CEP250: variants seen among roughly 807,000 people sequenced by gnomAD.
CEP250 encodes the protein centrosomal protein 250, also known as centrosome-associated protein CEP250.
A neutral mutation model predicts 315.7 loss-of-function variants in CEP250; 242 were observed. That is an observed-to-expected ratio of 0.77 (90% CI 0.69 to 0.85). The LOEUF (loss-of-function observed/expected upper bound fraction) is 0.85. CEP250 is among the 40% of genes least tolerant of loss of function. The pLI is 0.00. For missense variants in CEP250, 2,515 were observed against 2,886.4 expected (o/e 0.87, Z 2.95); for synonymous variants, 1,088 against 1,175.0 (o/e 0.93, Z 1.51).
intron 29 of CEP250, 152 bp downstream of exon 29, chr20:35,502,118 A>G (rs1049158220): frequency 1.1e-5 from 11 of 989,164 alleles, no homozygotes; most frequent in East Asian, 1.0e-4. Context: ...TCAGGTTCCA[A>G]TGAATCCTCC....
At position 35,503,298 on chromosome 20, in the gene CEP250, G is replaced by A. The variant is rs1263243279; in HGVS notation, c.4929G>A (p.Gln1643=). Reference sequence around the variant, plus strand: ...AGCGAGAACAGATCGAGGAGCTGCAGAGGCAGAAAGAGCATCTGACTCAGG... The same window carrying A: ...AGCGAGAACAGATCGAGGAGCTGCAAAGGCAGAAAGAGCATCTGACTCAGG... ...KSQREQIEEL[Q]RQKEHLTQDL... The change falls in exon 30 of 35, where the codon CAG becomes CAA. Residue 1643 remains glutamine (Q), a synonymous_variant. Transcript: ENST00000397527. This position sits in a 1 kb window ranked among gnomAD's most constrained non-coding sequence, Gnocchi z 4.2. 11 of 1,614,084 alleles carry A rather than the reference G, an allele frequency of 6.8e-6. No individual in the cohort carries two copies. In the East Asian group the frequency reaches 2.5e-4, roughly 36 times the overall value.
intron 21 of CEP250, 152 bp downstream of exon 21, chr20:35,490,956 C>T (rs1568806973): frequency 3.4e-6 from 3 of 885,422 alleles, no homozygotes; most frequent in South Asian, 3.4e-5. Flanking sequence ...GGGTGGTCCG[C>T]ACCATTAGCC....
At chr20:35,470,970 C>T (rs923550036) in intron 10 of CEP250, among the ~76,000 whole-genome samples, 2 of 152,172 alleles carry the variant, frequency 1.3e-5, no homozygotes, top group African/African-American at 4.8e-5. Flanking sequence ...TTAGAACCCT[C>T]TGGCTTAATA....
In CEP250 at chr20:35,500,184, A is replaced by G; in HGVS notation, c.3898+15A>G. ...GAATCAGGAAGGTGAGAAGCTCAAG[A>G]CAGGCAGGGAGATTGAGAGGGAGAA... On this transcript the variant is annotated intron_variant, in intron 28 of 34. Coordinates refer to ENST00000397527, the MANE Select transcript of CEP250 (RefSeq NM_007186.6). 2 of 1,613,076 alleles carry G rather than the reference A, an allele frequency of 1.2e-6. No homozygotes were observed. The highest frequency in any genetic ancestry group is 1.7e-6 in the Non-Finnish European group (2 of 1,179,934).
rs2063171147 is a variant in CEP250, at chr20:35,476,281, C to G, written c.1717-168C>G. The G allele has an allele frequency of 5.1e-6, 3 of 592,904 alleles. No homozygotes were observed. In the Admixed American group the frequency reaches 8.7e-5, roughly 17 times the overall value. The allele number at this position is 592,904 out of a possible 1,614,324, so 36.7% of individuals were successfully genotyped here. A position where few individuals can be genotyped will look rare whatever the true frequency, so the allele number is the denominator to read the frequency against. ...GTATCTCTATACTGTGAGGTCCTGT[C>G]TCACTCCTTAATGAATGAATGAAGG... On this transcript the variant is annotated intron_variant, in intron 15 of 34. Transcript: ENST00000397527.
rs182023369 is a variant in CEP250 at position 35,457,098 on chromosome 20, A to G, written c.-297-1206A>G. ...CACCCAGCCTGTTTTTTTGCTTTTT[A>G]TATAGGTAATAGAGCTGTTAGCATT... On this transcript the variant is annotated intron_variant, in intron 1 of 34. Coordinates refer to ENST00000397527, the MANE Select transcript of CEP250 (RefSeq NM_007186.6). Among the ~76,000 whole-genome samples, 18 of 152,168 alleles carry G rather than the reference A, an allele frequency of 1.2e-4. No homozygotes were observed. The East Asian group carries it at 3.5e-3, about 29-fold the overall frequency.
chr20:35,495,169 A>T (rs767087335), intron 24 of CEP250, among the ~76,000 whole-genome samples: 1 of 152,208 alleles, frequency 6.6e-6, no homozygotes, highest in Non-Finnish European at 1.5e-5. Context: ...GGCAGATAAA[A>T]GTTTACAGTG....
In CEP250 at chr20:35,480,162, G is replaced by A; in HGVS notation, c.2586+17G>A. On this transcript the variant is annotated intron_variant, in intron 20 of 34. Transcript: ENST00000397527. ...GAGAAATGGGTAAGTGGTCAATGTG[G>A]CCGGGTATGGCCTCCCTTCCATGAG... 1 of 1,599,904 alleles carries A rather than the reference G, an allele frequency of 6.3e-7. No individual in the cohort carries two copies. The highest frequency in any genetic ancestry group is 8.5e-7 in the Non-Finnish European group (1 of 1,173,228).
intron 16 of CEP250, among the ~76,000 whole-genome samples, chr20:35,477,580 G>A (rs991472643): frequency 6.6e-6 from 1 of 152,260 alleles, no homozygotes; most frequent in Admixed American, 6.5e-5. Context: ...TTATAGCGAG[G>A]GAACCTCCTT....
intron 15 of CEP250, 91 bp from the exon 16 acceptor site, chr20:35,476,358 T>C: frequency 8.1e-7 from 1 of 1,235,142 alleles, no homozygotes; most frequent in Non-Finnish European, 1.2e-6. Context: ...CTGATCTCTG[T>C]ACCAAAAAGC....
At position 35,504,702 on chromosome 20, in the gene CEP250, G is replaced by A. The variant is rs1028235274; in HGVS notation, c.6333G>A (p.Leu2111=). The part of the protein sequence containing the change: ...LTLAQKEQEI[L]ELRETQQRNN... ...TAGCCCAAAAGGAACAGGAGATTCTGGAGCTGAGGGAGACCCAGCAAAGGA... is the reference window on the plus strand; with the variant it reads ...TAGCCCAAAAGGAACAGGAGATTCTAGAGCTGAGGGAGACCCAGCAAAGGA... Residue 2111 remains leucine (L), a synonymous_variant, in exon 30 of 35, where the codon CTG becomes CTA. Coordinates refer to ENST00000397527, the MANE Select transcript of CEP250 (RefSeq NM_007186.6). 2 of 1,614,066 alleles carry A rather than the reference G, an allele frequency of 1.2e-6. No homozygotes were observed. The highest frequency in any genetic ancestry group is 2.7e-5 in the African/African-American group (2 of 74,922).
intron 22 of CEP250, among the ~76,000 whole-genome samples, chr20:35,492,040 A>T (rs1180046395): frequency 1.3e-5 from 2 of 152,142 alleles, no homozygotes; most frequent in Non-Finnish European, 2.9e-5. Flanking sequence ...ACAGTTTGTG[A>T]TAAGTGCTGT....
At position 35,511,941 on chromosome 20, in the gene CEP250, C is replaced by T; in HGVS notation, c.*315C>T. 8.7e-7 allele frequency: 1 copy of T among 1,154,190 alleles called. No individual in the cohort carries two copies. The highest frequency in any genetic ancestry group is 1.1e-6 in the Non-Finnish European group (1 of 937,400). 71.5% of individuals were successfully genotyped at this position (1,154,190 alleles called of 1,614,324 possible). A position where few individuals can be genotyped will look rare whatever the true frequency, so the allele number is the denominator to read the frequency against. ...CACTTCACCACCTCCTTCATCTTCT[C>T]CTTCAACAATAAACCCTGGGATCTT... is the stretch of plus-strand genomic sequence containing the variant. On this transcript the variant is annotated 3_prime_UTR_variant, in exon 35 of 35. Coordinates refer to ENST00000397527, the MANE Select transcript of CEP250 (RefSeq NM_007186.6).
At position 35,507,804 on chromosome 20, in the gene CEP250, A is replaced by C. The variant is rs769634388; in HGVS notation, c.6703A>C (p.Thr2235Pro). The stretch of plus-strand genomic sequence containing the variant: ...GCTACACAGCCCAGGTGCAACCAGC[A>C]CAGCAGAACTGGGGTCCAGAGGGGA... ...ERLHSPGATS[T>P]AELGSRGEQG... Residue 2235 changes from threonine (T) to proline (P), a missense_variant, in exon 31 of 35, where the codon ACA becomes CCA. Thr to Pro is a conservative substitution (Grantham distance 38). Coordinates refer to ENST00000397527, the MANE Select transcript of CEP250 (RefSeq NM_007186.6). The C allele has an allele frequency of 1.9e-6, 3 of 1,576,306 alleles. No homozygotes were observed. The highest frequency in any genetic ancestry group is 2.6e-6 in the Non-Finnish European group (3 of 1,160,974).
intron 30 of CEP250, among the ~76,000 whole-genome samples, chr20:35,507,445 A>G (rs1047312602): frequency 7.9e-5 from 12 of 152,212 alleles, no homozygotes; most frequent in African/African-American, 2.9e-4. Context: ...CTGTTCCCAC[A>G]GCACATCAGT....
Position 35,503,199 on chromosome 20 carries a change from G to T in CEP250, c.4830G>T (p.Gln1610His), listed in dbSNP as rs779375948. The T allele has an allele frequency of 3.1e-6, 5 of 1,614,162 alleles. No homozygotes were observed. The highest frequency in any genetic ancestry group is 4.2e-6 in the Non-Finnish European group (5 of 1,180,014). The change falls in exon 30 of 35, where the codon CAG (glutamine) becomes CAT (histidine). Residue 1610 changes from glutamine (Q) to histidine (H), a missense_variant. Physicochemically the swap from Gln to His is conservative, Grantham distance 24. Coordinates refer to ENST00000397527, the MANE Select transcript of CEP250 (RefSeq NM_007186.6). This position sits in a 1 kb window ranked among gnomAD's most constrained non-coding sequence, Gnocchi z 4.2. ...AGGAGCTGCAGGCACAAAGCAGCCA[G>T]ATCCATGACCTGGAGAGCCACAGCA... ...RSQELQAQSSQIHDLESHSTV... is the reference protein window; with the variant it reads ...RSQELQAQSSHIHDLESHSTV...
intron 12 of CEP250, among the ~76,000 whole-genome samples, chr20:35,473,111 C>T (rs535802599): frequency 2.6e-5 from 4 of 152,144 alleles, no homozygotes; most frequent in Non-Finnish European, 4.4e-5. Context: ...ATTGGGTCAA[C>T]GTTCTCCAAC....
At chr20:35,491,624 C>T (rs1226537361) in intron 22 of CEP250, among the ~76,000 whole-genome samples, 14 of 151,894 alleles carry the variant, frequency 9.2e-5, no homozygotes, top group Non-Finnish European at 1.6e-4. Flanking sequence ...AAAAATTAGC[C>T]GGGCATGGTG....
chr20:35,483,936 AT>A (rs1210690141), intron 20 of CEP250, among the ~76,000 whole-genome samples: 1 of 151,046 alleles, frequency 6.6e-6, no homozygotes, highest in East Asian at 1.9e-4. Context: ...TTATTTGGTT[AT>A]TTTTTCATAT....
Sources: gnomAD v4.1 joint callset for allele counts (sites outside exome capture counted in the v4.1 genomes callset) on GRCh38, gnomAD v4.1.1 for gene constraint, Gnocchi (gnomAD v3.1) non-coding constraint, MANE v1.5 for transcripts, NCBI Gene and HGNC (gene_info 2026-07-23, HGNC 2026-07-21) for gene names.